Variants in RAB21 observed in about 807,000 individuals in gnomAD.
RAB21 encodes the protein ras-related protein Rab-21.
In RAB21, 13 loss-of-function variants were observed where a neutral mutation model predicts 33.1. The observed-to-expected ratio is 0.39, with a 90% CI of 0.26 to 0.62. The LOEUF (loss-of-function observed/expected upper bound fraction) is 0.62. Among genes scored for constraint, RAB21 ranks in the 20% least tolerant of loss-of-function variants. RAB21 has a pLI of 0.48. For synonymous variants in RAB21, 91 were observed against 103.7 expected, an observed-to-expected ratio of 0.88 and a Z score of 0.74; for missense variants, 234 against 279.1, an observed-to-expected ratio of 0.84 and a Z score of 1.15.
Position 71,796,134 on chromosome 12 carries a change from C to G in RAB21, c.*10461C>G, listed in dbSNP as rs1450053934. 1.5e-5 allele frequency: 2 copies of G among 137,166 alleles called. 1 individual carries two copies. The highest frequency in any genetic ancestry group is 1.5e-4 in the Admixed American group (2 of 13,394). The allele number at this position is 137,166 out of a possible 1,614,324, so 8.5% of individuals were successfully genotyped here. ...GAAAAGAGGCAAAGCATAGAATAGC[C>G]TCTGTGGTATACACACAGACAATGT... On this transcript the variant is annotated 3_prime_UTR_variant, in exon 7 of 7. Transcript: ENST00000261263.
chr12:71,756,652 A>C (rs1882789826), intron 1 of RAB21, among the ~76,000 whole-genome samples: 1 of 152,226 alleles, frequency 6.6e-6, no homozygotes, highest in South Asian at 2.1e-4. Flanking sequence ...ACACTGACAA[A>C]ATTTTAATAA....
At chr12:71,768,551 A>T (rs2137645917) in intron 1 of RAB21, among the ~76,000 whole-genome samples, 1 of 151,934 alleles carries the variant, frequency 6.6e-6, no homozygotes, top group East Asian at 1.9e-4. Flanking sequence ...CTTAGTTCAG[A>T]TCTCCTTTTT....
chr12:71,786,392 G>T lies in RAB21; in HGVS notation c.*719G>T, dbSNP rs328742. The stretch of plus-strand genomic sequence containing the variant: ...CAGCCCTTTGTATTTTGTGGTAGTT[G>T]AAATTGTATCACTTCTAAACAGCAA... On this transcript the variant is annotated 3_prime_UTR_variant, in exon 7 of 7. Coordinates refer to ENST00000261263, the MANE Select transcript of RAB21 (RefSeq NM_014999.4). The T allele has an allele frequency of 0.33, 50,123 of 152,444 alleles. 12,311 individuals are homozygous for T. The highest frequency in any genetic ancestry group is 0.67 in the African/African-American group (27,817 of 41,446). 9.4% of individuals were successfully genotyped at this position (152,444 alleles called of 1,614,324 possible).
At chr12:71,763,733 C>T (rs904875732) in intron 1 of RAB21, among the ~76,000 whole-genome samples, 5 of 152,142 alleles carry the variant, frequency 3.3e-5, no homozygotes. Context: ...TACATGGATC[C>T]TTGCTAGTAA....
In RAB21 at chr12:71,754,984, C is replaced by A. The variant is rs1347678074; in HGVS notation, c.-146C>A. The A allele has an allele frequency of 2.7e-6, 2 of 751,204 alleles. No homozygotes were observed. Among genetic ancestry groups the A allele is most frequent in the Non-Finnish European group, 3.3e-6 (2 of 612,352 alleles). 46.5% of individuals were successfully genotyped at this position (751,204 alleles called of 1,614,324 possible). A position where few individuals can be genotyped will look rare whatever the true frequency, so the allele number is the denominator to read the frequency against. On this transcript the variant is annotated 5_prime_UTR_variant, in exon 1 of 7. Transcript: ENST00000261263. ...CGGACTTTCCCTCAGCCCTTCCAGG[C>A]CTCGCCCGAGGAGGGCGTGGGGACA...
intron 4 of RAB21, among the ~76,000 whole-genome samples, chr12:71,781,489 C>T (rs1883199795): frequency 6.6e-6 from 1 of 151,132 alleles, no homozygotes; most frequent in Admixed American, 6.6e-5. Flanking sequence ...AAAGAGAATA[C>T]AGTTTTTCCC....
At chr12:71,762,227 TATA>T (rs1371401563) in intron 1 of RAB21, among the ~76,000 whole-genome samples, 1 of 152,242 alleles carries the variant, frequency 6.6e-6, no homozygotes, top group Non-Finnish European at 1.5e-5. Context: ...CTAAACTAAT[TATA>T]ATCCTTGTTT....
chr12:71,764,234 T>C (rs766285257), intron 1 of RAB21, among the ~76,000 whole-genome samples: 1 of 152,186 alleles, frequency 6.6e-6, no homozygotes, highest in Non-Finnish European at 1.5e-5. Context: ...AGTGGTGTTC[T>C]GGGGAGTGAG....
In RAB21 at chr12:71,755,147, C is replaced by T. The variant is rs2137634453; in HGVS notation, c.18C>T (p.Gly6=). The T allele has an allele frequency of 7.8e-7, 1 of 1,281,138 alleles. No individual in the cohort carries two copies. Among genetic ancestry groups the T allele is most frequent in the East Asian group, 3.2e-5 (1 of 30,922 alleles). 79.4% of individuals were successfully genotyped at this position (1,281,138 alleles called of 1,614,324 possible). ...GCGACGGGATGGCTGCGGCCGGCGG[C>T]GGCGGCGGCGGGGCGGCGGCGGCGG... The part of the protein sequence containing the change: MAAAG[G]GGGGAAAAGR... Residue 6 remains glycine, a synonymous_variant, in exon 1 of 7, where the codon GGC becomes GGT. Transcript: ENST00000261263.
At chr12:71,775,224 C>G (rs1483241189) in intron 4 of RAB21, among the ~76,000 whole-genome samples, 1 of 152,190 alleles carries the variant, frequency 6.6e-6, no homozygotes, top group Non-Finnish European at 1.5e-5. Context: ...TACTCACAGA[C>G]ATTATCTCAT....
rs187117209 is a variant in RAB21, at chr12:71,771,201, A to G, written c.327+502A>G. Among the ~76,000 whole-genome samples, 575 of 152,252 alleles carry G rather than the reference A, an allele frequency of 3.8e-3. 4 individuals are homozygous for G. Among genetic ancestry groups the G allele is most frequent in the Middle Eastern group, 0.017 (5 of 294 alleles). On this transcript the variant is annotated intron_variant, in intron 3 of 6. Transcript: ENST00000261263. The stretch of plus-strand genomic sequence containing the variant: ...AAAAGGACAGTCTTAAAGTTATCTC[A>G]TTAGTTTACTTCCCTTCAAAAACAC...
rs1432950727 is a variant in RAB21 at position 71,787,900 on chromosome 12, C to T, written c.*2227C>T. 6.6e-6 allele frequency: 1 copy of T among 152,132 alleles called. No homozygotes were observed. The highest frequency in any genetic ancestry group is 2.4e-5 in the African/African-American group (1 of 41,428). The allele number at this position is 152,132 out of a possible 1,614,324, so 9.4% of individuals were successfully genotyped here. A position where few individuals can be genotyped will look rare whatever the true frequency, so the allele number is the denominator to read the frequency against. Reference sequence around the variant, plus strand: ...GTACTTTGTTTTTGACCTCCTGGCTCTTTCAGACAGAGTGAAGAAAGCTTT... The same window carrying T: ...GTACTTTGTTTTTGACCTCCTGGCTTTTTCAGACAGAGTGAAGAAAGCTTT... On this transcript the variant is annotated 3_prime_UTR_variant, in exon 7 of 7. Coordinates refer to ENST00000261263, the MANE Select transcript of RAB21 (RefSeq NM_014999.4).
intron 3 of RAB21, among the ~76,000 whole-genome samples, chr12:71,772,229 G>A (rs898871559): frequency 1.3e-5 from 2 of 152,086 alleles, no homozygotes; most frequent in African/African-American, 4.8e-5. Context: ...ACTATATCTG[G>A]TGTGTTATCA....
At position 71,768,043 on chromosome 12, in the gene RAB21, T is replaced by C. The variant is rs74322061; in HGVS notation, c.160-1757T>C. Among the ~76,000 whole-genome samples, 746 of 152,318 alleles carry C rather than the reference T, an allele frequency of 4.9e-3. 8 individuals are homozygous for C. Among genetic ancestry groups the C allele is most frequent in the African/African-American group, 0.017 (711 of 41,572 alleles). On this transcript the variant is annotated intron_variant, in intron 1 of 6. Transcript: ENST00000261263. Reference sequence around the variant, plus strand: ...GGAGAAGACATTTATTGTCATAACATGTATTTGGTCTTCTCATTTTTCAGG... The same window carrying C: ...GGAGAAGACATTTATTGTCATAACACGTATTTGGTCTTCTCATTTTTCAGG...
rs1358006047 is a variant in RAB21, at chr12:71,790,421, G to C, written c.*4748G>C. ...TGAGAGAATGGTGAGGGATAGCAAG[G>C]ATAAAGTATAATGTTGAAAAGTAGA... On this transcript the variant is annotated 3_prime_UTR_variant, in exon 7 of 7. Transcript: ENST00000261263. 2 of 151,980 alleles carry C rather than the reference G, an allele frequency of 1.3e-5. No individual in the cohort carries two copies. The highest frequency in any genetic ancestry group is 6.5e-5 in the Admixed American group (1 of 15,270). 9.4% of individuals were successfully genotyped at this position (151,980 alleles called of 1,614,324 possible).
intron 4 of RAB21, among the ~76,000 whole-genome samples, chr12:71,775,480 A>G (rs1565891099): frequency 6.6e-6 from 1 of 152,212 alleles, no homozygotes; most frequent in Non-Finnish European, 1.5e-5. Flanking sequence ...CAAGGGTAGT[A>G]TCTGGGGAAA....
At chr12:71,764,055 G>A (rs1359106114) in intron 1 of RAB21, among the ~76,000 whole-genome samples, 1 of 152,162 alleles carries the variant, frequency 6.6e-6, no homozygotes, top group Non-Finnish European at 1.5e-5. Flanking sequence ...TTGGCACATA[G>A]TATGATTTTT....
rs1436246113 is a variant in RAB21 at position 71,785,548 on chromosome 12, C to T, written c.553C>T (p.Gln185Ter). Residue 185 changes from glutamine (Q) to a stop codon, truncating the protein, a stop_gained, in exon 7 of 7, where the codon CAA becomes TAA. Transcript: ENST00000261263. LOFTEE classifies it high-confidence loss of function. The part of the protein sequence containing the change: ...DLCKRMIETA[Q>*]VDERAKGNGS... ...TGTCTTAGGGATGATAGAAACAGCA[C>T]AAGTGGATGAGAGAGCAAAAGGCAA... 9.9e-6 allele frequency: 16 copies of T among 1,614,074 alleles called. No individual in the cohort carries two copies. Among genetic ancestry groups the T allele is most frequent in the Non-Finnish European group, 1.3e-5 (15 of 1,179,984 alleles).
At chr12:71,765,513 T>C (rs2137643416) in intron 1 of RAB21, among the ~76,000 whole-genome samples, 1 of 152,304 alleles carries the variant, frequency 6.6e-6, no homozygotes, top group East Asian at 1.9e-4. Flanking sequence ...GTGTTAGTCA[T>C]GAATTCTTTC....
Sources: allele counts gnomAD v4.1 joint callset (sites outside exome capture counted in the v4.1 genomes callset), GRCh38; gene constraint gnomAD v4.1.1; transcripts MANE v1.5; gene names NCBI Gene and HGNC (gene_info 2026-07-23, HGNC 2026-07-21).